Variants in PRKCQ observed in about 807,000 individuals in gnomAD.
PRKCQ encodes protein kinase C theta.
PRKCQ carries 41 observed loss-of-function variants against 91.2 expected under a neutral mutation model. That is an observed-to-expected ratio of 0.45 (90% CI 0.35 to 0.58). The LOEUF (loss-of-function observed/expected upper bound fraction) is 0.58, where lower values mean the gene tolerates loss of function less well. PRKCQ is among the 20% of genes least tolerant of loss of function. The probability of loss-of-function intolerance (pLI) is 0.00; values close to 1 mark genes in which losing one functional copy is unlikely to be tolerated. For synonymous variants in PRKCQ, 307 were observed against 316.9 expected (o/e 0.97, Z 0.33); for missense variants, 673 against 896.5 (o/e 0.75, Z 3.18).
Position 6,479,169 on chromosome 10 carries a change from G to C in PRKCQ, c.1180-4C>G. The C allele has an allele frequency of 1.2e-6, 2 of 1,613,120 alleles. No homozygotes were observed. The highest frequency in any genetic ancestry group is 1.7e-6 in the Non-Finnish European group (2 of 1,179,400). On this transcript the variant is annotated splice_region_variant and splice_polypyrimidine_tract_variant and intron_variant, in intron 11 of 17. Transcript: ENST00000263125. ...TCTTGAATTCTGCCAGGAAGACCTA[G>C]AAGGAGAGGGAAGAAGTAACTTTAT... is the stretch of plus-strand genomic sequence containing the variant.
intron 1 of PRKCQ, among the ~76,000 whole-genome samples, chr10:6,565,263 T>G (rs1461592230): frequency 6.6e-6 from 1 of 152,216 alleles, no homozygotes; most frequent in East Asian, 1.9e-4. Context: ...TCTAGTCTAT[T>G]TTTTCCATGA....
chr10:6,449,460 G>C (rs1834524891), intron 15 of PRKCQ, among the ~76,000 whole-genome samples: 1 of 152,176 alleles, frequency 6.6e-6, no homozygotes, highest in Non-Finnish European at 1.5e-5. Flanking sequence ...TGTCTGATTG[G>C]TGTACCTGAA....
chr10:6,402,599 C>T, the PRKCQ span, among the ~76,000 whole-genome samples: 1 of 152,108 alleles, frequency 6.6e-6, no homozygotes, highest in African/African-American at 2.4e-5. Flanking sequence ...TTTTTCTGTT[C>T]CGAGCTTTCT....
Position 6,434,967 on chromosome 10 carries a change from T to G in PRKCQ, c.1837-4029A>C, listed in dbSNP as rs146401259. On this transcript the variant is annotated intron_variant, in intron 16 of 17. Transcript: ENST00000263125. ...TCTTGCTCTGTCACCCAGGCTGGAG[T>G]GCAGTGGCGCGATCTCGGCTCACTG... 2.9e-4 allele frequency among the ~76,000 whole-genome samples: 44 copies of G among 152,268 alleles called. No individual in the cohort carries two copies. The East Asian group carries it at 7.3e-3, about 25-fold the overall frequency.
the PRKCQ span, among the ~76,000 whole-genome samples, chr10:6,409,545 T>A: frequency 1.3e-5 from 2 of 152,184 alleles, no homozygotes; most frequent in African/African-American, 2.4e-5. Context: ...TCCGCCCGCC[T>A]CGGCCTCCCA....
At chr10:6,526,897 C>T (rs1839218286) in intron 1 of PRKCQ, among the ~76,000 whole-genome samples, 1 of 152,148 alleles carries the variant, frequency 6.6e-6, no homozygotes, top group African/African-American at 2.4e-5. Context: ...CTACTGGGGG[C>T]GACTTCACTC....
At chr10:6,542,123 C>G (rs1036666658) in intron 1 of PRKCQ, among the ~76,000 whole-genome samples, 1 of 152,158 alleles carries the variant, frequency 6.6e-6, no homozygotes, top group Non-Finnish European at 1.5e-5. Flanking sequence ...CTAAGAGCAA[C>G]GAAGCCAATA....
In PRKCQ at chr10:6,497,866, T is replaced by C. The variant is rs1223920187; in HGVS notation, c.542+530A>G. Among the ~76,000 whole-genome samples the C allele has an allele frequency of 2.6e-5, 4 of 152,314 alleles. No individual in the cohort carries two copies. The highest frequency in any genetic ancestry group is 4.1e-4 in the South Asian group (2 of 4,828). ...AAGAGTATCCCTTAATAGGCTAGGATGCTGAGAGCCAGAAACAGGAGTTAT... is the reference window on the plus strand; with the variant it reads ...AAGAGTATCCCTTAATAGGCTAGGACGCTGAGAGCCAGAAACAGGAGTTAT... On this transcript the variant is annotated intron_variant, in intron 5 of 17. Transcript: ENST00000263125. This position sits in a 1 kb window ranked among gnomAD's most constrained non-coding sequence, Gnocchi z 4.5.
chr10:6,502,592 C>T (rs1837978706), intron 4 of PRKCQ, among the ~76,000 whole-genome samples: 1 of 152,118 alleles, frequency 6.6e-6, no homozygotes, highest in Non-Finnish European at 1.5e-5. Flanking sequence ...GGGGCAGAGG[C>T]TTGATATGGT....
intron 15 of PRKCQ, among the ~76,000 whole-genome samples, chr10:6,444,965 A>T (rs1479788038): frequency 6.6e-6 from 1 of 151,878 alleles, no homozygotes; most frequent in African/African-American, 2.4e-5. Flanking sequence ...CTCTACTAAA[A>T]ACACAGAAAT....
the PRKCQ span, among the ~76,000 whole-genome samples, chr10:6,408,046 GTTTTTT>G: frequency 2.4e-5 from 2 of 84,226 alleles, no homozygotes; most frequent in Admixed American, 1.4e-4. Context: ...TCTTGTGTCA[GTTTTTT>G]TTTTTTTTTT....
intron 16 of PRKCQ, among the ~76,000 whole-genome samples, chr10:6,441,212 T>TA (rs199903878): frequency 0.013 from 1,951 of 151,066 alleles, 26 homozygotes; most frequent in East Asian, 0.044. Context: ...CTGAGTAAAA[T>TA]AAAAAAAAAC....
At position 6,464,371 on chromosome 10, in the gene PRKCQ, C is replaced by T. The variant is rs772062701; in HGVS notation, c.1387G>A (p.Gly463Arg). 3.7e-6 allele frequency: 6 copies of T among 1,612,648 alleles called. No homozygotes were observed. The highest frequency in any genetic ancestry group is 5.1e-6 in the Non-Finnish European group (6 of 1,179,680). Residue 463 changes from glycine (G) to arginine (R), a missense_variant, in exon 13 of 18, where the codon GGA becomes AGA. By Grantham distance (125) the Gly-to-Arg change is moderately radical. Coordinates refer to ENST00000263125, the MANE Select transcript of PRKCQ (RefSeq NM_006257.5). ...NLFFVMEYLN[G>R]GDLMYHIQSC... ...TGGATGTGGTACATTAAGTCCCCTC[C>T]GTTGAGGTACTCCATCACAAAAAAG...
chr10:6,541,016 C>G (rs1221352889), intron 1 of PRKCQ, among the ~76,000 whole-genome samples: 1 of 152,202 alleles, frequency 6.6e-6, no homozygotes, highest in Admixed American at 6.5e-5. Flanking sequence ...CATTACAATG[C>G]ATATCCAGAA....
intron 1 of PRKCQ, among the ~76,000 whole-genome samples, chr10:6,553,272 T>C (rs1840259786): frequency 6.6e-6 from 1 of 152,152 alleles, no homozygotes; most frequent in Non-Finnish European, 1.5e-5. Flanking sequence ...GGCAGATCGC[T>C]TGAGCTCAGG....
At chr10:6,499,077 C>A (rs1039601540) in intron 4 of PRKCQ, among the ~76,000 whole-genome samples, 2 of 152,100 alleles carry the variant, frequency 1.3e-5, no homozygotes, top group Non-Finnish European at 2.9e-5. Flanking sequence ...GGGAGCTGAC[C>A]AGGATTTTGT....
chr10:6,517,508 G>A (rs116060341), intron 1 of PRKCQ, among the ~76,000 whole-genome samples: 4 of 142,146 alleles, frequency 2.8e-5, no homozygotes, highest in African/African-American at 5.2e-5. Context: ...TACGATCTGC[G>A]TTACTAAAGT....
chr10:6,464,903 A>G (rs1835562471), intron 12 of PRKCQ, among the ~76,000 whole-genome samples: 1 of 152,186 alleles, frequency 6.6e-6, no homozygotes, highest in Non-Finnish European at 1.5e-5. Context: ...AGCCCCAGGA[A>G]GCCTGGGGAA....
intron 16 of PRKCQ, among the ~76,000 whole-genome samples, chr10:6,440,161 C>T (rs1833898019): frequency 6.6e-6 from 1 of 152,164 alleles, no homozygotes; most frequent in South Asian, 2.1e-4. Context: ...CTGAGGCCTC[C>T]CCAGCCATGC....
Sources: allele counts gnomAD v4.1 joint callset (sites outside exome capture counted in the v4.1 genomes callset), GRCh38; gene constraint gnomAD v4.1.1; non-coding constraint Gnocchi (gnomAD v3.1); transcripts MANE v1.5; gene names NCBI Gene and HGNC (gene_info 2026-07-23, HGNC 2026-07-21).